PDE10A: variants seen among roughly 807,000 people sequenced by gnomAD.
The protein encoded by PDE10A is cAMP and cAMP-inhibited cGMP 3',5'-cyclic phosphodiesterase 10A.
A neutral mutation model predicts 97.7 loss-of-function variants in PDE10A; 39 were observed. The ratio of observed to expected loss-of-function variants is 0.40; its 90% CI spans 0.31 to 0.52. The LOEUF (loss-of-function observed/expected upper bound fraction) is 0.52. PDE10A is among the 20% of genes least tolerant of loss of function. The pLI, the probability that PDE10A is intolerant of heterozygous loss-of-function variation, is 0.56. For missense variants in PDE10A, 731 were observed against 1,047.8 expected, an observed-to-expected ratio of 0.70 and a Z score of 4.17; for synonymous variants, 371 against 376.8, an observed-to-expected ratio of 0.98 and a Z score of 0.18.
intron 13 of PDE10A, 55 bp from the exon 14 acceptor site, chr6:165,396,514 T>C: frequency 6.5e-7 from 1 of 1,528,520 alleles, no homozygotes; most frequent in Non-Finnish European, 8.9e-7. Context: ...ATTTAAACTG[T>C]TTTGTCACGG....
At chr6:165,380,155 A>G (rs1451638852) in intron 17 of PDE10A, among the ~76,000 whole-genome samples, 1 of 152,196 alleles carries the variant, frequency 6.6e-6, no homozygotes. Context: ...AATTGAGGGA[A>G]AAAAACCCTT....
chr6:165,748,111 G>A (rs942230570), intron 1 of PDE10A, among the ~76,000 whole-genome samples: 1 of 152,182 alleles, frequency 6.6e-6, no homozygotes, highest in Non-Finnish European at 1.5e-5. Flanking sequence ...ACCTGGCAGA[G>A]AAACAGACTT....
intron 1 of PDE10A, among the ~76,000 whole-genome samples, chr6:165,686,387 TCTC>T (rs1260235737): frequency 2.0e-5 from 3 of 152,292 alleles, no homozygotes; most frequent in Admixed American, 6.5e-5. Flanking sequence ...GCTTCCCCGT[TCTC>T]CTCTTTGCAG....
At chr6:165,619,371 G>GTGTA (rs1562634555) in intron 1 of PDE10A, among the ~76,000 whole-genome samples, 1 of 7,654 alleles carries the variant, frequency 1.3e-4, no homozygotes, top group Non-Finnish European at 3.6e-4. Flanking sequence ...AGTGTAGTGT[G>GTGTA]GTGTAGTGTA....
intron 1 of PDE10A, among the ~76,000 whole-genome samples, chr6:165,557,223 G>A (rs941216587): frequency 1.4e-4 from 21 of 152,026 alleles, no homozygotes; most frequent in Admixed American, 7.2e-4. Flanking sequence ...ATACGTTACA[G>A]AAGAAAGATA....
At chr6:165,454,898 TTC>T (rs1198237498) in intron 3 of PDE10A, among the ~76,000 whole-genome samples, 1 of 152,154 alleles carries the variant, frequency 6.6e-6, no homozygotes, top group East Asian at 1.9e-4. Context: ...GTCAGAATAT[TTC>T]ACTGAATTCC....
chr6:165,334,143 C>T (rs1046545637), intron 21 of PDE10A, among the ~76,000 whole-genome samples: 4 of 152,190 alleles, frequency 2.6e-5, no homozygotes, highest in Non-Finnish European at 4.4e-5. Context: ...GCTTTTTAAG[C>T]GTTAATAAGA....
At chr6:165,675,728 G>A (rs994177022) in intron 1 of PDE10A, among the ~76,000 whole-genome samples, 2 of 152,168 alleles carry the variant, frequency 1.3e-5, no homozygotes, top group Admixed American at 1.3e-4. Flanking sequence ...CAAATATTTA[G>A]TGTCTACTAC....
intron 1 of PDE10A, among the ~76,000 whole-genome samples, chr6:165,575,350 C>A (rs1785249601): frequency 6.6e-6 from 1 of 152,184 alleles, no homozygotes; most frequent in South Asian, 2.1e-4. Flanking sequence ...TACTAAGCAT[C>A]CGGACACAGC....
intron 1 of PDE10A, among the ~76,000 whole-genome samples, chr6:165,835,752 G>A (rs149401948): frequency 0.012 from 1,760 of 152,274 alleles, 18 homozygotes; most frequent in Middle Eastern, 0.037. Context: ...AGCTCAGAAC[G>A]GCCTTGGCAC....
At chr6:165,666,349 T>C (rs764545461), upstream of PDE10A, among the ~76,000 whole-genome samples, 3 of 152,362 alleles carry the variant, frequency 2.0e-5, no homozygotes, top group Non-Finnish European at 4.4e-5. Flanking sequence ...CATCTACTTA[T>C]ACAGATGTCT....
intron 1 of PDE10A, among the ~76,000 whole-genome samples, chr6:165,545,565 C>T (rs949791823): frequency 9.2e-5 from 14 of 152,074 alleles, no homozygotes; most frequent in Non-Finnish European, 1.8e-4. Context: ...AAAAAACACT[C>T]GTTAAACTCA....
chr6:165,757,037 A>T (rs1195858677), intron 1 of PDE10A, among the ~76,000 whole-genome samples: 1 of 150,170 alleles, frequency 6.7e-6, no homozygotes, highest in Non-Finnish European at 1.5e-5. Flanking sequence ...GCAAGATCTC[A>T]GTTCACTGCA....
rs143997531 is a variant in PDE10A, at chr6:165,773,754, A to G, written c.-615+213775T>C. Reference sequence around the variant, plus strand: ...TTTCCTGAGTCTCTACCACTGATGAAAGGGGAAAAAAATGGCTGTCAGTGT... The same window carrying G: ...TTTCCTGAGTCTCTACCACTGATGAGAGGGGAAAAAAATGGCTGTCAGTGT... On this transcript the variant is annotated intron_variant, in intron 1 of 19. Transcript: ENST00000366882. Among the ~76,000 whole-genome samples, 448 of 152,298 alleles carry G rather than the reference A, an allele frequency of 2.9e-3. 4 individuals carry two copies. Among genetic ancestry groups the G allele is most frequent in the African/African-American group, 0.01 (433 of 41,564 alleles).
intron 1 of PDE10A, among the ~76,000 whole-genome samples, chr6:165,726,578 C>A (rs1026214508): frequency 1.5e-4 from 23 of 150,456 alleles, no homozygotes; most frequent in Admixed American, 5.3e-4. Context: ...TGCCCGCTCC[C>A]CCCGGTGGTC....
At chr6:165,336,755 C>CAA (rs776243789) in intron 20 of PDE10A, among the ~76,000 whole-genome samples, 2,289 of 48,592 alleles carry the variant, frequency 0.047, 83 homozygotes, top group African/African-American at 0.075. Flanking sequence ...GACTCCGTCT[C>CAA]AAAAAAAAAA....
At chr6:165,752,047 G>A (rs892700760) in intron 1 of PDE10A, among the ~76,000 whole-genome samples, 1 of 148,892 alleles carries the variant, frequency 6.7e-6, no homozygotes, top group African/African-American at 2.5e-5. Context: ...GGAGGCTGAG[G>A]CAGGAGAATG....
intron 1 of PDE10A, among the ~76,000 whole-genome samples, chr6:165,896,391 T>C (rs1427702807): frequency 6.6e-6 from 1 of 151,806 alleles, no homozygotes; most frequent in East Asian, 1.9e-4. Context: ...TCTTGCTCTG[T>C]TGCCTAGGCT....
At position 165,406,228 on chromosome 6, in the gene PDE10A, A is replaced by ATGTG. The variant is rs3839483; in HGVS notation, c.2076+7269_2076+7272dup. Among the ~76,000 whole-genome samples the ATGTG allele has an allele frequency of 9.8e-3, 1,375 of 140,504 alleles. 19 individuals are homozygous for ATGTG. Among genetic ancestry groups the ATGTG allele is most frequent in the South Asian group, 0.034 (148 of 4,384 alleles). The allele number at this position is 140,504 out of a possible 152,430, so 92.2% of individuals were successfully genotyped here. A position where few individuals can be genotyped will look rare whatever the true frequency, so the allele number is the denominator to read the frequency against. On this transcript the variant is annotated intron_variant, in intron 13 of 21. Coordinates refer to ENST00000539869, the MANE Select transcript of PDE10A (RefSeq NM_001385079.1). ...TTCAAATTCAAGATGAGGGAAAAGG[A>ATGTG]TGTGTGTGTGTGTGTGTGTGTGTGT...
Sources: allele counts gnomAD v4.1 joint callset (sites outside exome capture counted in the v4.1 genomes callset), GRCh38; gene constraint gnomAD v4.1.1; transcripts MANE v1.5; gene names NCBI Gene and HGNC (gene_info 2026-07-23, HGNC 2026-07-21).